Variants in POU2F1 observed in about 807,000 individuals in gnomAD.
POU2F1 encodes the protein POU domain, class 2, transcription factor 1.
Under a neutral mutation model 84.9 loss-of-function variants are expected in POU2F1, and 16 were observed. The ratio of observed to expected loss-of-function variants is 0.19; its 90% CI spans 0.13 to 0.29. The LOEUF is 0.29. Among genes scored for constraint, POU2F1 ranks in the 10% least tolerant of loss-of-function variants. The pLI is 1.00. For missense variants in POU2F1, 738 were observed against 942.6 expected (o/e 0.78, Z 2.84); for synonymous variants, 368 against 368.3 (o/e 1.00, Z 0.01).
intron 1 of POU2F1, among the ~76,000 whole-genome samples, chr1:167,263,519 A>G (rs80133633): frequency 9.4e-5 from 14 of 149,194 alleles, no homozygotes; most frequent in Non-Finnish European, 2.1e-4. Context: ...CTCCGACTCA[A>G]AAAAAAAAAA....
chr1:167,245,834 G>A (rs1414124929), intron 1 of POU2F1, among the ~76,000 whole-genome samples: 1 of 152,224 alleles, frequency 6.6e-6, no homozygotes, highest in African/African-American at 2.4e-5. Context: ...TGGAATTACA[G>A]GCGTGAGCCA....
chr1:167,416,520 CT>C lies in POU2F1; in HGVS notation c.*711del, dbSNP rs1650330973. The C allele has an allele frequency of 6.4e-6, 1 of 155,988 alleles. No homozygotes were observed. The highest frequency in any genetic ancestry group is 2.4e-5 in the African/African-American group (1 of 41,478). 9.7% of individuals were successfully genotyped at this position (155,988 alleles called of 1,614,324 possible). A position where few individuals can be genotyped will look rare whatever the true frequency, so the allele number is the denominator to read the frequency against. The stretch of plus-strand genomic sequence containing the variant: ...GGTAAGGGGAGACTTCTGTTCTTAA[CT>C]GTGGGGAATGTTCTTGCTGGTTTCC... On this transcript the variant is annotated 3_prime_UTR_variant, in exon 16 of 16. Coordinates refer to ENST00000367866, the MANE Select transcript of POU2F1 (RefSeq NM_002697.4).
chr1:167,387,310 A>C, intron 8 of POU2F1: 3 of 444,228 alleles, frequency 6.8e-6, no homozygotes, highest in African/African-American at 2.0e-5. Flanking sequence ...CCCGGAGATG[A>C]AGTAACAATG....
At chr1:167,287,126 AGGCTG>A (rs1348730533) in intron 1 of POU2F1, among the ~76,000 whole-genome samples, 6 of 152,230 alleles carry the variant, frequency 3.9e-5, no homozygotes, top group Non-Finnish European at 8.8e-5. Flanking sequence ...GTAAAAGGGT[AGGCTG>A]GGGCGAACAA....
chr1:167,391,666 G>A (rs1187845356), intron 9 of POU2F1, among the ~76,000 whole-genome samples: 1 of 148,696 alleles, frequency 6.7e-6, no homozygotes. Context: ...ACCTCCAGGG[G>A]TCAAGGGATT....
At chr1:167,314,316 G>C (rs541596347) in intron 1 of POU2F1, among the ~76,000 whole-genome samples, 12 of 152,224 alleles carry the variant, frequency 7.9e-5, no homozygotes, top group African/African-American at 2.4e-4. Context: ...CTAGGGAAAT[G>C]CAAATTAAGA....
chr1:167,288,729 T>C (rs1571234031), intron 1 of POU2F1, among the ~76,000 whole-genome samples: 1 of 152,298 alleles, frequency 6.6e-6, no homozygotes, highest in Non-Finnish European at 1.5e-5. Flanking sequence ...TGTCTACTTA[T>C]AGGCTGCTGA....
At chr1:167,392,472 T>C (rs1331826672) in intron 9 of POU2F1, among the ~76,000 whole-genome samples, 2 of 152,186 alleles carry the variant, frequency 1.3e-5, no homozygotes, top group East Asian at 3.8e-4. Flanking sequence ...AGTTTTAAAC[T>C]ATTAGCACAG....
chr1:167,366,310 G>A (rs753895400), intron 3 of POU2F1, among the ~76,000 whole-genome samples: 1 of 152,106 alleles, frequency 6.6e-6, no homozygotes, highest in Non-Finnish European at 1.5e-5. Context: ...ATATTTTGGT[G>A]GTCTATATGT....
At chr1:167,413,987 T>TAAA (rs372662250) in intron 15 of POU2F1, among the ~76,000 whole-genome samples, 88 of 126,436 alleles carry the variant, frequency 7.0e-4, no homozygotes, top group African/African-American at 2.5e-3. Context: ...ACCCTGTTTC[T>TAAA]AAAAAAAAAA....
At chr1:167,274,674 A>G (rs1223876299) in intron 1 of POU2F1, among the ~76,000 whole-genome samples, 8 of 152,156 alleles carry the variant, frequency 5.3e-5, no homozygotes. Context: ...TAGTAGACTT[A>G]CTTCTTTGTA....
intron 1 of POU2F1, among the ~76,000 whole-genome samples, chr1:167,280,234 A>G (rs766050639): frequency 6.6e-5 from 10 of 151,980 alleles, no homozygotes; most frequent in Non-Finnish European, 1.0e-4. Context: ...TATCAGAAAT[A>G]ATAAAGCTTT....
chr1:167,227,675 C>T (rs572989900), intron 1 of POU2F1, among the ~76,000 whole-genome samples: 141 of 152,158 alleles, frequency 9.3e-4, no homozygotes, highest in Middle Eastern at 3.4e-3. Flanking sequence ...CTGCTATGTA[C>T]CTGGTCCTAT....
intron 1 of POU2F1, among the ~76,000 whole-genome samples, chr1:167,288,867 A>C (rs1019080095): frequency 2.6e-5 from 4 of 152,348 alleles, no homozygotes; most frequent in Admixed American, 2.6e-4. Context: ...CAATCATTAA[A>C]TAGAAGACAG....
rs541722886 is a variant in POU2F1 at position 167,259,764 on chromosome 1, A to G, written c.61+38806A>G. ...TATTGCACCACATCTTTGCCAAGAT[A>G]GTGTAATTTTGCCAGCCTCATTGCA... On this transcript the variant is annotated intron_variant, in intron 1 of 15. Coordinates refer to ENST00000367866, the MANE Select transcript of POU2F1 (RefSeq NM_002697.4). Among the ~76,000 whole-genome samples, 36 of 152,324 alleles carry G rather than the reference A, an allele frequency of 2.4e-4. No individual in the cohort carries two copies. In the South Asian group the frequency reaches 7.5e-3, roughly 32 times the overall value.
intron 8 of POU2F1, chr1:167,387,072 A>C (rs1306974468): frequency 4.8e-6 from 2 of 414,008 alleles, no homozygotes; most frequent in Non-Finnish European, 9.7e-6. Context: ...TTTTGAAAAA[A>C]GCCTATACCA....
At chr1:167,222,112 C>T (rs1293090570) in intron 1 of POU2F1, among the ~76,000 whole-genome samples, 1 of 152,154 alleles carries the variant, frequency 6.6e-6, no homozygotes, top group Admixed American at 6.5e-5. Flanking sequence ...CAGAAGCGCC[C>T]AGAGGCCTCC....
At chr1:167,348,126 G>A (rs953697603) in intron 2 of POU2F1, among the ~76,000 whole-genome samples, 3 of 152,174 alleles carry the variant, frequency 2.0e-5, no homozygotes, top group African/African-American at 7.2e-5. Context: ...TTTCACAAAC[G>A]AAGATGGTAT....
In POU2F1 at chr1:167,415,830, C is replaced by T. The variant is rs1228731368; in HGVS notation, c.*20C>T. On this transcript the variant is annotated 3_prime_UTR_variant, in exon 16 of 16. Transcript: ENST00000367866. ...CAGTGAGCTGGGCAGAGCTGGGCTG[C>T]CAGAAGCCTTTTTCACTCTGCAGTG... 1 of 1,599,330 alleles carries T rather than the reference C, an allele frequency of 6.3e-7. No homozygotes were observed.
Sources: allele counts gnomAD v4.1 joint callset (sites outside exome capture counted in the v4.1 genomes callset), GRCh38; gene constraint gnomAD v4.1.1; transcripts MANE v1.5; gene names NCBI Gene and HGNC (gene_info 2026-07-23, HGNC 2026-07-21).